The following CPA6 variants were observed in gnomAD, a reference collection of about 807,000 sequenced individuals.
The protein encoded by CPA6 is carboxypeptidase B.
CPA6 carries 58 observed loss-of-function variants against 63.3 expected under a neutral mutation model. The observed-to-expected ratio is 0.92, with a 90% CI of 0.74 to 1.14. The LOEUF is 1.14. CPA6 is among the 50% of genes most tolerant of loss of function. The pLI is 0.00. For missense variants in CPA6, 565 were observed against 526.6 expected (o/e 1.07, Z -0.71); for synonymous variants, 185 against 179.0 (o/e 1.03, Z -0.27).
intron 2 of CPA6, among the ~76,000 whole-genome samples, chr8:67,571,677 G>A (rs1225517394): frequency 6.6e-6 from 1 of 152,128 alleles, no homozygotes; most frequent in East Asian, 1.9e-4. Flanking sequence ...CAAAACTTGT[G>A]TAATGCAGCA....
chr8:67,549,588 T>C (rs1434119149), intron 2 of CPA6, among the ~76,000 whole-genome samples: 1 of 152,220 alleles, frequency 6.6e-6, no homozygotes, highest in Admixed American at 6.5e-5. Flanking sequence ...CTAGGACTTA[T>C]TTATCATGTA....
intron 8 of CPA6, among the ~76,000 whole-genome samples, chr8:67,457,011 T>C (rs1352054766): frequency 6.6e-6 from 1 of 152,266 alleles, no homozygotes; most frequent in Non-Finnish European, 1.5e-5. Context: ...AAGAGCTGCC[T>C]GAGGGAGTGT....
At chr8:67,602,136 A>T (rs571291850) in intron 2 of CPA6, among the ~76,000 whole-genome samples, 108 of 152,324 alleles carry the variant, frequency 7.1e-4, no homozygotes, top group African/African-American at 2.5e-3. Flanking sequence ...TTATGAAAAA[A>T]GGGAGAAGAC....
intron 8 of CPA6, among the ~76,000 whole-genome samples, chr8:67,465,391 G>C (rs1045257829): frequency 2.0e-5 from 3 of 152,132 alleles, no homozygotes; most frequent in African/African-American, 7.2e-5. Flanking sequence ...GTTCCAGGAT[G>C]CTTTTGGTAG....
intron 8 of CPA6, among the ~76,000 whole-genome samples, chr8:67,475,987 C>CCCTT (rs141046202): frequency 2.4e-4 from 32 of 134,328 alleles, no homozygotes; most frequent in East Asian, 1.1e-3. Context: ...TCTTTCTCTC[C>CCCTT]CCTTCCTTCC....
Position 67,682,236 on chromosome 8 carries a change from C to T in CPA6, c.117-57985G>A, listed in dbSNP as rs373135856. Among the ~76,000 whole-genome samples the T allele has an allele frequency of 2.6e-5, 4 of 151,936 alleles. No homozygotes were observed. The East Asian group carries it at 7.7e-4, about 29-fold the overall frequency. On this transcript the variant is annotated intron_variant, in intron 1 of 10. Coordinates refer to ENST00000297770, the MANE Select transcript of CPA6 (RefSeq NM_020361.5). The stretch of plus-strand genomic sequence containing the variant: ...CTAATTATTTGGCCTTTCTTTTTCT[C>T]TGTGTATTTCGGGTAAGATAGTTTC...
chr8:67,472,532 C>A (rs897824580), intron 8 of CPA6, among the ~76,000 whole-genome samples: 2 of 152,066 alleles, frequency 1.3e-5, no homozygotes, highest in Admixed American at 1.3e-4. Flanking sequence ...TCAAGCAATC[C>A]TAACCACCTC....
At chr8:67,541,338 T>C (rs184249589) in intron 2 of CPA6, among the ~76,000 whole-genome samples, 9 of 151,934 alleles carry the variant, frequency 5.9e-5, no homozygotes, top group Non-Finnish European at 1.2e-4. Context: ...AAGAAAGAAG[T>C]AAAAACTAAA....
intron 2 of CPA6, among the ~76,000 whole-genome samples, chr8:67,610,738 C>T (rs889046473): frequency 6.6e-6 from 1 of 152,188 alleles, no homozygotes; most frequent in Non-Finnish European, 1.5e-5. Context: ...TTCTCACTAT[C>T]AGCTGGCCAC....
chr8:67,624,320 C>T (rs1363118554), intron 1 of CPA6, 69 bp from the exon 2 acceptor site: 2 of 833,958 alleles, frequency 2.4e-6, no homozygotes, highest in African/African-American at 1.8e-5. Flanking sequence ...CTCTTTCTTA[C>T]CTCTTAAAAA....
intron 1 of CPA6, among the ~76,000 whole-genome samples, chr8:67,643,377 T>C (rs1815638882): frequency 6.6e-6 from 1 of 152,166 alleles, no homozygotes; most frequent in South Asian, 2.1e-4. Flanking sequence ...GAATACTATA[T>C]AGCAGTGAAA....
chr8:67,445,918 T>C (rs541382946), intron 8 of CPA6, among the ~76,000 whole-genome samples: 1 of 152,304 alleles, frequency 6.6e-6, no homozygotes, highest in South Asian at 2.1e-4. Flanking sequence ...CATGCAATTG[T>C]ATAAATGAGA....
intron 8 of CPA6, among the ~76,000 whole-genome samples, chr8:67,463,438 A>G (rs908289898): frequency 6.7e-6 from 1 of 149,876 alleles, no homozygotes; most frequent in African/African-American, 2.5e-5. Context: ...ACTGAAACTC[A>G]CTCTCTCTCT....
Position 67,554,849 on chromosome 8 carries a change from C to T in CPA6, c.193-36802G>A, listed in dbSNP as rs528953645. 6.6e-5 allele frequency among the ~76,000 whole-genome samples: 10 copies of T among 152,292 alleles called. No individual in the cohort carries two copies. In the East Asian group the frequency reaches 1.7e-3, roughly 27 times the overall value. On this transcript the variant is annotated intron_variant, in intron 2 of 10. Transcript: ENST00000297770. ...TTTTGTTCCATTTGGCCCCAGCCTGCTAGATGGCCCTTGCCTGCATGGAGG... is the reference window on the plus strand; with the variant it reads ...TTTTGTTCCATTTGGCCCCAGCCTGTTAGATGGCCCTTGCCTGCATGGAGG...
At chr8:67,637,981 T>TTGTGTGTGTGTG (rs3055710) in intron 1 of CPA6, among the ~76,000 whole-genome samples, 18 of 146,570 alleles carry the variant, frequency 1.2e-4, no homozygotes, top group Admixed American at 1.2e-3. Context: ...GCTAGAAATT[T>TTGTGTGTGTGTG]TGTGTGTGTG....
intron 2 of CPA6, among the ~76,000 whole-genome samples, chr8:67,537,992 G>A (rs1216673631): frequency 6.6e-6 from 1 of 152,216 alleles, no homozygotes; most frequent in Non-Finnish European, 1.5e-5. Flanking sequence ...GAGTTGTGTA[G>A]TTTTGAGTGA....
chr8:67,472,380 AT>A, intron 8 of CPA6, among the ~76,000 whole-genome samples: 1 of 86,612 alleles, frequency 1.2e-5, no homozygotes. Flanking sequence ...TTATTTTTTT[AT>A]TTTATTTTAT....
chr8:67,523,247 G>A (rs1435180945), intron 2 of CPA6, among the ~76,000 whole-genome samples: 2 of 152,132 alleles, frequency 1.3e-5, no homozygotes, highest in Non-Finnish European at 2.9e-5. Flanking sequence ...AATGCTGGTG[G>A]GCTGGCCGTG....
chr8:67,506,892 A>G lies in CPA6; in HGVS notation c.535-4T>C. The G allele has an allele frequency of 6.2e-7, 1 of 1,607,872 alleles. No individual in the cohort carries two copies. Among genetic ancestry groups the G allele is most frequent in the Non-Finnish European group, 8.5e-7 (1 of 1,174,452 alleles). On this transcript the variant is annotated splice_region_variant and splice_polypyrimidine_tract_variant and intron_variant, in intron 5 of 10. Coordinates refer to ENST00000297770, the MANE Select transcript of CPA6 (RefSeq NM_020361.5). ...TGAGTCGTGATCGTCTGCCCAGCTG[A>G]AAACAAGAGCATTCACAGTAACCAA...
Sources: gnomAD v4.1 joint callset for allele counts (sites outside exome capture counted in the v4.1 genomes callset) on GRCh38, gnomAD v4.1.1 for gene constraint, MANE v1.5 for transcripts, NCBI Gene and HGNC (gene_info 2026-07-23, HGNC 2026-07-21) for gene names.